Variants in ZNF385D observed in about 807,000 individuals in gnomAD.
ZNF385D encodes zinc finger protein 385D, also known as zinc finger protein 659.
Under a neutral mutation model 35.8 loss-of-function variants are expected in ZNF385D, and 15 were observed. The ratio of observed to expected loss-of-function variants is 0.42; its 90% confidence interval spans 0.28 to 0.64. ZNF385D has a LOEUF of 0.64. ZNF385D is among the 30% of genes least tolerant of loss of function. The pLI, the probability that ZNF385D is intolerant of heterozygous loss-of-function variation, is 0.23. For missense variants in ZNF385D, 474 were observed against 494.6 expected, an observed-to-expected ratio of 0.96 and a Z score of 0.39; for synonymous variants, 212 against 186.8, an observed-to-expected ratio of 1.13 and a Z score of -1.10.
intron 3 of ZNF385D, among the ~76,000 whole-genome samples, chr3:21,834,259 GC>G (rs938826505): frequency 6.6e-6 from 1 of 152,090 alleles, no homozygotes; most frequent in Non-Finnish European, 1.5e-5. Context: ...GAGACTCAGA[GC>G]TGACCTCAGG....
intron 4 of ZNF385D, among the ~76,000 whole-genome samples, chr3:21,445,700 C>T (rs1702112876): frequency 6.6e-6 from 1 of 152,110 alleles, no homozygotes; most frequent in Non-Finnish European, 1.5e-5. Flanking sequence ...GTCTGCCAGA[C>T]TGTTGGTAAT....
At chr3:21,466,569 C>G (rs149416793) in intron 4 of ZNF385D, among the ~76,000 whole-genome samples, 72 of 152,262 alleles carry the variant, frequency 4.7e-4, no homozygotes, top group African/African-American at 1.7e-3. Context: ...TGACATTCAA[C>G]ACCTGTATCT....
intron 3 of ZNF385D, among the ~76,000 whole-genome samples, chr3:22,156,924 T>C (rs577230787): frequency 6.6e-6 from 1 of 152,262 alleles, no homozygotes; most frequent in Non-Finnish European, 1.5e-5. Context: ...TTCTCAAAGA[T>C]AATCTATCAT....
intron 1 of ZNF385D, among the ~76,000 whole-genome samples, chr3:21,670,387 T>A (rs569633761): frequency 1.7e-4 from 26 of 152,036 alleles, no homozygotes; most frequent in African/African-American, 6.0e-4. Flanking sequence ...CAGGAAATCA[T>A]ACAGAGCATT....
chr3:22,261,263 C>T (rs1488839107), intron 2 of ZNF385D, among the ~76,000 whole-genome samples: 1 of 151,884 alleles, frequency 6.6e-6, no homozygotes, highest in Admixed American at 6.6e-5. Context: ...GACAGAGAAC[C>T]AGCTAGACAG....
intron 2 of ZNF385D, among the ~76,000 whole-genome samples, chr3:22,178,276 TC>T: frequency 6.6e-6 from 1 of 152,342 alleles, no homozygotes; most frequent in Non-Finnish European, 1.5e-5. Context: ...TGATTGCCAT[TC>T]TAACTGGTGT....
intron 2 of ZNF385D, among the ~76,000 whole-genome samples, chr3:22,326,127 C>T (rs550984557): frequency 6.6e-6 from 1 of 152,228 alleles, no homozygotes; most frequent in South Asian, 2.1e-4. Context: ...TCAATTTTGC[C>T]TCTGAATTTG....
intron 1 of ZNF385D, among the ~76,000 whole-genome samples, chr3:21,693,588 C>T (rs531548619): frequency 2.6e-5 from 4 of 152,202 alleles, no homozygotes; most frequent in South Asian, 4.1e-4. Flanking sequence ...TTTTTCTCAT[C>T]CATAAAGATG....
At chr3:21,684,985 G>A (rs903151645) in intron 1 of ZNF385D, among the ~76,000 whole-genome samples, 27 of 152,138 alleles carry the variant, frequency 1.8e-4, no homozygotes, top group Admixed American at 1.6e-3. Context: ...ATGCTTTAGA[G>A]CAGTTAGCAA....
At chr3:21,526,849 T>A (rs910177842) in intron 3 of ZNF385D, among the ~76,000 whole-genome samples, 1 of 152,190 alleles carries the variant, frequency 6.6e-6, no homozygotes, top group Non-Finnish European at 1.5e-5. Flanking sequence ...ACTTCACCCA[T>A]CTGACGCGAT....
chr3:21,546,113 C>G (rs2062362841), intron 3 of ZNF385D, among the ~76,000 whole-genome samples: 1 of 151,946 alleles, frequency 6.6e-6, no homozygotes, highest in Non-Finnish European at 1.5e-5. Context: ...AATTATGTCC[C>G]AAAACTCATC....
intron 3 of ZNF385D, among the ~76,000 whole-genome samples, chr3:22,110,582 G>A (rs1702467943): frequency 1.3e-5 from 2 of 151,214 alleles, no homozygotes; most frequent in African/African-American, 4.9e-5. Flanking sequence ...GATGGGAATT[G>A]AACAATGAGA....
rs138298325 is a variant in ZNF385D, at chr3:21,640,811, A to G, written c.165+24075T>C. Among the ~76,000 whole-genome samples, 1,199 of 152,244 alleles carry G rather than the reference A, an allele frequency of 7.9e-3. 8 individuals carry two copies. Among genetic ancestry groups the G allele is most frequent in the Admixed American group, 0.012 (188 of 15,280 alleles). ...ATTTTTCTAGGCACTGAGAAGCACA[A>G]TGTCTGCTGAAGGTGAAAGTACCTC... On this transcript the variant is annotated intron_variant, in intron 2 of 7. Transcript: ENST00000281523.
At chr3:21,473,981 A>G (rs2125353372) in intron 4 of ZNF385D, among the ~76,000 whole-genome samples, 1 of 152,216 alleles carries the variant, frequency 6.6e-6, no homozygotes, top group South Asian at 2.1e-4. Flanking sequence ...ATATATATAA[A>G]TATGTGTAAG....
intron 4 of ZNF385D, among the ~76,000 whole-genome samples, chr3:21,472,286 T>A (rs1703943471): frequency 6.6e-6 from 1 of 152,064 alleles, no homozygotes; most frequent in African/African-American, 2.4e-5. Context: ...TCTCTACTCT[T>A]GAAGAGGTTG....
intron 3 of ZNF385D, among the ~76,000 whole-genome samples, chr3:21,895,021 C>T (rs1699060837): frequency 6.6e-6 from 1 of 151,930 alleles, no homozygotes; most frequent in Non-Finnish European, 1.5e-5. Context: ...AGGAATACCA[C>T]AGAGTAAATA....
intron 3 of ZNF385D, among the ~76,000 whole-genome samples, chr3:21,824,000 T>C (rs1325420104): frequency 6.6e-6 from 1 of 152,144 alleles, no homozygotes; most frequent in East Asian, 1.9e-4. Flanking sequence ...TAAAATGCAA[T>C]TGTGAAGAAA....
chr3:22,144,391 G>C (rs577478594), intron 3 of ZNF385D, among the ~76,000 whole-genome samples: 6 of 151,872 alleles, frequency 4.0e-5, no homozygotes, highest in Admixed American at 1.3e-4. Flanking sequence ...CTGGCCAATA[G>C]GGTGAAACCC....
intron 3 of ZNF385D, among the ~76,000 whole-genome samples, chr3:22,086,462 G>A (rs1430456017): frequency 5.9e-5 from 9 of 152,092 alleles, no homozygotes; most frequent in Non-Finnish European, 1.2e-4. Context: ...GCTTCAAAGA[G>A]AATAAAATAC....
Sources: gnomAD v4.1 joint callset for allele counts (sites outside exome capture counted in the v4.1 genomes callset) on GRCh38, gnomAD v4.1.1 for gene constraint, MANE v1.5 for transcripts, NCBI Gene and HGNC (gene_info 2026-07-23, HGNC 2026-07-21) for gene names.